The following SOD2 variants were observed in gnomAD, a reference collection of about 807,000 sequenced individuals.
SOD2 encodes the protein superoxide dismutase [Mn], mitochondrial.
SOD2 carries 11 observed loss-of-function variants against 27.0 expected under a neutral mutation model. The observed-to-expected ratio is 0.41, with a 90% CI of 0.26 to 0.67. The LOEUF is 0.67. SOD2 is among the 30% of genes least tolerant of loss of function. The probability of loss-of-function intolerance (pLI) is 0.34; values close to 1 mark genes in which losing one functional copy is unlikely to be tolerated. For synonymous variants in SOD2, 105 were observed against 103.0 expected (o/e 1.02, Z -0.12); for missense variants, 250 against 274.5 (o/e 0.91, Z 0.63).
At chr6:159,709,501 C>T (rs576505955) in intron 1 of SOD2, among the ~76,000 whole-genome samples, 1 of 152,302 alleles carries the variant, frequency 6.6e-6, no homozygotes, top group Non-Finnish European at 1.5e-5. Context: ...ATGCATCCAA[C>T]AGACACATGA....
upstream of SOD2, among the ~76,000 whole-genome samples, chr6:159,731,695 A>T (rs1376785839): frequency 6.6e-6 from 1 of 152,166 alleles, no homozygotes; most frequent in Non-Finnish European, 1.5e-5. Context: ...GCCAGTTACC[A>T]TGCTAAAGAT....
At chr6:159,695,635 C>T (rs1777409750), upstream of SOD2, among the ~76,000 whole-genome samples, 1 of 152,206 alleles carries the variant, frequency 6.6e-6, no homozygotes, top group Non-Finnish European at 1.5e-5. Context: ...GCTGGAACTA[C>T]AGGTGCATAC....
exon 1 of SOD2, chr6:159,727,268 T>A: frequency 7.8e-7 from 1 of 1,282,836 alleles, no homozygotes; most frequent in Middle Eastern, 2.1e-4. Flanking sequence ...CCCTTCACCT[T>A]TCCTCTCCTG....
intron 1 of SOD2, among the ~76,000 whole-genome samples, chr6:159,705,441 T>C (rs1406696768): frequency 1.3e-5 from 2 of 152,180 alleles, no homozygotes; most frequent in Non-Finnish European, 2.9e-5. Context: ...CTGATGGAGC[T>C]GAAAACCATG....
At chr6:159,747,309 G>A (rs566957760), upstream of SOD2, among the ~76,000 whole-genome samples, 1 of 152,280 alleles carries the variant, frequency 6.6e-6, no homozygotes, top group East Asian at 1.9e-4. Flanking sequence ...GTTCTGGTAT[G>A]GTGGAAAAAG....
At chr6:159,706,082 C>A (rs1583032755) in intron 1 of SOD2, among the ~76,000 whole-genome samples, 1 of 152,272 alleles carries the variant, frequency 6.6e-6, no homozygotes, top group Non-Finnish European at 1.5e-5. Flanking sequence ...GATTTTGTCA[C>A]CACCAGGCCT....
chr6:159,724,989 G>GA (rs1355098881), intron 1 of SOD2, among the ~76,000 whole-genome samples: 1 of 151,262 alleles, frequency 6.6e-6, no homozygotes, highest in African/African-American at 2.4e-5. Context: ...AGGGAAGGAA[G>GA]GAAGAAAACA....
intron 1 of SOD2, chr6:159,713,536 T>G: frequency 1.4e-6 from 1 of 710,690 alleles, no homozygotes. Flanking sequence ...CACAAAGGCT[T>G]CCCCTGTGCT....
chr6:159,709,268 G>A (rs940106794), intron 1 of SOD2, among the ~76,000 whole-genome samples: 1 of 152,080 alleles, frequency 6.6e-6, no homozygotes, highest in Non-Finnish European at 1.5e-5. Context: ...TGACAGATGG[G>A]ATCTAATTAA....
chr6:159,684,835 C>T lies in SOD2; in HGVS notation c.523+19G>A. ...GTAGAGCATCTCTCCCAAATGAAAT[C>T]ACAATTTTTAAATCTAACCTGTTGT... On this transcript the variant is annotated intron_variant, in intron 4 of 4. Transcript: ENST00000538183. 6.3e-7 allele frequency: 1 copy of T among 1,589,740 alleles called. No individual in the cohort carries two copies. The highest frequency in any genetic ancestry group is 8.6e-7 in the Non-Finnish European group (1 of 1,164,788).
intron 1 of SOD2, among the ~76,000 whole-genome samples, chr6:159,714,731 C>T (rs1457581551): frequency 1.3e-5 from 2 of 152,186 alleles, no homozygotes; most frequent in African/African-American, 4.8e-5. Flanking sequence ...CATCAGAAGC[C>T]TTTGCTTGAG....
rs1777266612 is a variant in SOD2, at chr6:159,692,595, TG to T, written c.226+65del. ...TCCTCCACGGAGAGGCCCGTCCGTA[TG>T]GGGCCTGGCTCCCTGGGGTCGCCTC... On this transcript the variant is annotated intron_variant, in intron 2 of 4. Transcript: ENST00000538183. The T allele has an allele frequency of 1.9e-6, 3 of 1,598,948 alleles. No individual in the cohort carries two copies. In the East Asian group the frequency reaches 6.7e-5, roughly 36 times the overall value.
At chr6:159,753,565 G>A (rs781526385) in intron 1 of SOD2, 2 of 1,614,068 alleles carry the variant, frequency 1.2e-6, no homozygotes, top group Admixed American at 1.7e-5. Flanking sequence ...TTGAAGCAGA[G>A]TTGGCTTTAC....
At chr6:159,718,657 A>T (rs1362423556) in intron 1 of SOD2, among the ~76,000 whole-genome samples, 1 of 152,248 alleles carries the variant, frequency 6.6e-6, no homozygotes, top group Admixed American at 6.5e-5. Context: ...GTAAGTCAGT[A>T]TAAAATCCAC....
At chr6:159,736,537 T>C in intron 1 of SOD2, 2 of 376,018 alleles carry the variant, frequency 5.3e-6, no homozygotes, top group South Asian at 6.1e-5. Flanking sequence ...AATATTCCCA[T>C]GGTCTACTCT....
At chr6:159,753,971 G>C (rs1349552894) in intron 1 of SOD2, among the ~76,000 whole-genome samples, 5 of 152,154 alleles carry the variant, frequency 3.3e-5, no homozygotes, top group Non-Finnish European at 5.9e-5. Context: ...GTAAATCTTA[G>C]AAACATGGGC....
intron 1 of SOD2, 46 bp from the exon 2 acceptor site, chr6:159,692,909 G>A (rs1406491858): frequency 1.3e-6 from 2 of 1,492,732 alleles, no homozygotes; most frequent in African/African-American, 1.4e-5. Context: ...CCGCGGGACC[G>A]TCTACGCAGG....
intron 1 of SOD2, among the ~76,000 whole-genome samples, chr6:159,719,816 C>T (rs541260645): frequency 1.5e-4 from 22 of 151,190 alleles, no homozygotes; most frequent in African/African-American, 5.1e-4. Flanking sequence ...CTCCACCTCC[C>T]GGGTTCAAGA....
chr6:159,684,774 T>C, intron 4 of SOD2, 80 bp downstream of exon 4: 3 of 1,130,098 alleles, frequency 2.7e-6, no homozygotes, highest in South Asian at 3.5e-5. Flanking sequence ...CTTAAAACAC[T>C]GTTAGTTTTC....
Sources: allele counts gnomAD v4.1 joint callset (sites outside exome capture counted in the v4.1 genomes callset), GRCh38; gene constraint gnomAD v4.1.1; transcripts MANE v1.5; gene names NCBI Gene and HGNC (gene_info 2026-07-23, HGNC 2026-07-21).